Variants in NCAPH observed in about 807,000 individuals in gnomAD.
The protein encoded by NCAPH is condensin complex subunit 2.
In NCAPH, 38 loss-of-function variants were observed where a neutral mutation model predicts 85.5. That is an observed-to-expected ratio of 0.44 (90% confidence interval 0.34 to 0.58). NCAPH has a LOEUF of 0.58. Among genes scored for constraint, NCAPH ranks in the 20% least tolerant of loss-of-function variants. NCAPH has a pLI of 0.01. For missense variants in NCAPH, 789 were observed against 916.6 expected (o/e 0.86, Z 1.80); for synonymous variants, 301 against 335.1 (o/e 0.90, Z 1.11).
intron 13 of NCAPH, 149 bp from the exon 14 acceptor site, chr2:96,365,726 TA>T: frequency 1.3e-6 from 1 of 764,462 alleles, no homozygotes; most frequent in Non-Finnish European, 2.2e-6. Flanking sequence ...GGATGATAAC[TA>T]GAGGCACCTA....
intron 15 of NCAPH, among the ~76,000 whole-genome samples, chr2:96,368,303 T>G (rs996916175): frequency 2.0e-5 from 3 of 152,242 alleles, no homozygotes; most frequent in African/African-American, 7.2e-5. Flanking sequence ...AGTTTGAGTT[T>G]ACTTTTAAAT....
chr2:96,368,823 CTT>C, intron 15 of NCAPH, 147 bp from the exon 16 acceptor site: 2 of 650,358 alleles, frequency 3.1e-6, no homozygotes, highest in Non-Finnish European at 5.1e-6. Flanking sequence ...CACTGGTTCT[CTT>C]TGTAGATCCT....
rs563740174 is a variant in NCAPH, at chr2:96,338,694, T to C, written c.19+2846T>C. On this transcript the variant is annotated intron_variant, in intron 1 of 17. Coordinates refer to ENST00000240423, the MANE Select transcript of NCAPH (RefSeq NM_015341.5). ...GATGGGGGGACAGTGAGCCAAGGAA[T>C]GTAGGCAGCTCTGAAGCTGCAAAAG... 7.2e-5 allele frequency among the ~76,000 whole-genome samples: 11 copies of C among 152,304 alleles called. No homozygotes were observed. In the East Asian group the frequency reaches 1.7e-3, roughly 24 times the overall value.
chr2:96,342,177 C>G (rs1159681857), intron 3 of NCAPH, 37 bp downstream of exon 3: 6 of 1,492,640 alleles, frequency 4.0e-6, no homozygotes, highest in African/African-American at 1.4e-5. Flanking sequence ...AGACGTAATC[C>G]CTTGATCACA....
At chr2:96,338,062 G>A (rs1412643151) in intron 1 of NCAPH, among the ~76,000 whole-genome samples, 1 of 151,848 alleles carries the variant, frequency 6.6e-6, no homozygotes, top group African/African-American at 2.4e-5. Context: ...GAGTAGCTGG[G>A]ATTACAGACA....
chr2:96,343,382 A>T, intron 5 of NCAPH, 78 bp downstream of exon 5: 2 of 1,463,826 alleles, frequency 1.4e-6, no homozygotes, highest in Non-Finnish European at 1.8e-6. Context: ...ATACTAGAAG[A>T]AGGTCACAAG....
At position 96,344,130 on chromosome 2, in the gene NCAPH, A is replaced by G. The variant is rs1316149642; in HGVS notation, c.621A>G (p.Thr207=). Residue 207 remains threonine, a synonymous_variant, in exon 6 of 18, where the codon ACA becomes ACG. Transcript: ENST00000240423. ...ATGGAAGTGCTACTGAAATGGGAACAACCAAAAAGGCTGTAAAGCCAAAGA... is the reference window on the plus strand; with the variant it reads ...ATGGAAGTGCTACTGAAATGGGAACGACCAAAAAGGCTGTAAAGCCAAAGA... ...VADGSATEMG[T]TKKAVKPKKK... 3 of 1,613,338 alleles carry G rather than the reference A, an allele frequency of 1.9e-6. No homozygotes were observed. The highest frequency in any genetic ancestry group is 2.5e-6 in the Non-Finnish European group (3 of 1,179,812).
chr2:96,352,859 C>T (rs1400143493), intron 7 of NCAPH, among the ~76,000 whole-genome samples: 1 of 152,220 alleles, frequency 6.6e-6, no homozygotes, highest in Non-Finnish European at 1.5e-5. Context: ...TTTGTGCTCT[C>T]ATTTGGGGCT....
Position 96,359,208 on chromosome 2 carries a change from G to A in NCAPH, c.1357+15G>A, listed in dbSNP as rs2064570994. On this transcript the variant is annotated intron_variant, in intron 10 of 17. Coordinates refer to ENST00000240423, the MANE Select transcript of NCAPH (RefSeq NM_015341.5). ...TCGACGCAAACGTATGTAATTCTAGGTGGAATTTTAAGAAAAGAAGTAGTG... is the reference window on the plus strand; with the variant it reads ...TCGACGCAAACGTATGTAATTCTAGATGGAATTTTAAGAAAAGAAGTAGTG... 6.2e-7 allele frequency: 1 copy of A among 1,612,582 alleles called. No homozygotes were observed. Among genetic ancestry groups the A allele is most frequent in the Non-Finnish European group, 8.5e-7 (1 of 1,179,164 alleles).
In NCAPH at chr2:96,354,324, A is replaced by G. The variant is rs1212942436; in HGVS notation, c.1144A>G (p.Thr382Ala). The G allele has an allele frequency of 1.9e-6, 3 of 1,613,896 alleles. No homozygotes were observed. The highest frequency in any genetic ancestry group is 2.5e-6 in the Non-Finnish European group (3 of 1,179,904). Reference protein sequence around the residue: ...DFDANDEPDHTAVGDHEEFRS... With the variant: ...DFDANDEPDHAAVGDHEEFRS... ...TGATGCCAACGATGAACCTGACCAC[A>G]CCGCAGTTGGGGATCATGAAGAGTT... Residue 382 changes from threonine (T) to alanine (A), a missense_variant, in exon 9 of 18, where the codon ACC becomes GCC. Transcript: ENST00000240423.
chr2:96,342,640 A>G, intron 3 of NCAPH, 116 bp from the exon 4 acceptor site: 1 of 794,138 alleles, frequency 1.3e-6, no homozygotes, highest in Middle Eastern at 3.5e-4. Context: ...AAGAGAGATC[A>G]GTGACAATAT....
chr2:96,337,489 G>A (rs555726689), intron 1 of NCAPH, among the ~76,000 whole-genome samples: 6 of 152,140 alleles, frequency 3.9e-5, no homozygotes, highest in Admixed American at 2.0e-4. Flanking sequence ...GTGCAATCTC[G>A]GCCCACTGCA....
rs77063169 is a variant in NCAPH, at chr2:96,345,581, T to C, written c.720+1352T>C. 3.3e-5 allele frequency among the ~76,000 whole-genome samples: 5 copies of C among 152,266 alleles called. No homozygotes were observed. In the East Asian group the frequency reaches 5.8e-4, roughly 18 times the overall value. Reference sequence around the variant, plus strand: ...GTCTCCCTCTAGTGCCCCTACTTGGTAAACCCTAACAGGGAGCTGCCGGCA... The same window carrying C: ...GTCTCCCTCTAGTGCCCCTACTTGGCAAACCCTAACAGGGAGCTGCCGGCA... On this transcript the variant is annotated intron_variant, in intron 6 of 17. Coordinates refer to ENST00000240423, the MANE Select transcript of NCAPH (RefSeq NM_015341.5).
At chr2:96,361,804 G>GTA (rs1268102789) in intron 12 of NCAPH, among the ~76,000 whole-genome samples, 1 of 74,690 alleles carries the variant, frequency 1.3e-5, no homozygotes, top group African/African-American at 4.9e-5. Flanking sequence ...GTATATATAT[G>GTA]TGTATATATA....
chr2:96,357,413 C>G (rs1038733144), intron 9 of NCAPH, among the ~76,000 whole-genome samples: 2 of 152,110 alleles, frequency 1.3e-5, no homozygotes, highest in Non-Finnish European at 2.9e-5. Flanking sequence ...AGGATGCCTG[C>G]GACATAGCAT....
At position 96,346,180 on chromosome 2, in the gene NCAPH, G is replaced by C. The variant is rs147834336; in HGVS notation, c.720+1951G>C. ...ACGGGTGTTGTTTGGGTGCACTCATGGGGGAGCCTTCTGGATACTGTCTTA... is the reference window on the plus strand; with the variant it reads ...ACGGGTGTTGTTTGGGTGCACTCATCGGGGAGCCTTCTGGATACTGTCTTA... On this transcript the variant is annotated intron_variant, in intron 6 of 17. Transcript: ENST00000240423. 3.9e-5 allele frequency among the ~76,000 whole-genome samples: 6 copies of C among 152,190 alleles called. No homozygotes were observed. In the East Asian group the frequency reaches 7.7e-4, roughly 20 times the overall value.
rs561107968 is a variant in NCAPH at position 96,340,948 on chromosome 2, G to A, written c.20-694G>A. On this transcript the variant is annotated intron_variant, in intron 1 of 17. Transcript: ENST00000240423. ...AGAAGTTAAAGATCTAAAGTTCTTT[G>A]GTTAAATTTAGGTTAAACATGTTTG... Among the ~76,000 whole-genome samples, 17 of 152,120 alleles carry A rather than the reference G, an allele frequency of 1.1e-4. No homozygotes were observed. The South Asian group carries it at 3.3e-3, about 30-fold the overall frequency.
Position 96,367,180 on chromosome 2 carries a change from A to G in NCAPH, c.1882-77A>G, listed in dbSNP as rs74799364. The stretch of plus-strand genomic sequence containing the variant: ...GATTCCTTCTTTAGTTGAACTCCAG[A>G]CCTTTGTTTTTACAGTGAATTATGG... On this transcript the variant is annotated intron_variant, in intron 14 of 17. Transcript: ENST00000240423. 25 of 999,952 alleles carry G rather than the reference A, an allele frequency of 2.5e-5. No individual in the cohort carries two copies. The African/African-American group carries it at 3.9e-4, about 16-fold the overall frequency. 61.9% of individuals were successfully genotyped at this position (999,952 alleles called of 1,614,324 possible). A position where few individuals can be genotyped will look rare whatever the true frequency, so the allele number is the denominator to read the frequency against.
chr2:96,361,814 A>ATATG (rs2064623281), intron 12 of NCAPH, among the ~76,000 whole-genome samples: 6 of 88,504 alleles, frequency 6.8e-5, no homozygotes, highest in African/African-American at 2.2e-4. Context: ...GTGTATATAT[A>ATATG]TATATATATA....
Sources: allele counts gnomAD v4.1 joint callset (sites outside exome capture counted in the v4.1 genomes callset), GRCh38; gene constraint gnomAD v4.1.1; transcripts MANE v1.5; gene names NCBI Gene and HGNC (gene_info 2026-07-23, HGNC 2026-07-21).